Variants in CDH8 observed in about 807,000 individuals in gnomAD.
The protein encoded by CDH8 is cadherin 8.
A neutral mutation model predicts 68.1 loss-of-function variants in CDH8; 17 were observed. The ratio of observed to expected loss-of-function variants is 0.25; its 90% confidence interval spans 0.17 to 0.37. CDH8 has a LOEUF of 0.37. CDH8 is among the 10% of genes least tolerant of loss of function. The pLI is 1.00. For synonymous variants in CDH8, 372 were observed against 365.1 expected (o/e 1.02, Z -0.21); for missense variants, 763 against 999.3 (o/e 0.76, Z 3.19).
intron 2 of CDH8, among the ~76,000 whole-genome samples, chr16:61,987,455 C>G (rs1228323474): frequency 6.6e-6 from 1 of 152,044 alleles, no homozygotes; most frequent in Non-Finnish European, 1.5e-5. Context: ...TGCAGTGAGC[C>G]AAGAACACAC....
intron 4 of CDH8, among the ~76,000 whole-genome samples, chr16:61,839,979 T>C (rs1037875025): frequency 1.3e-5 from 2 of 152,178 alleles, no homozygotes; most frequent in South Asian, 2.1e-4. Flanking sequence ...GCATCTACCT[T>C]GCCTGCCCCT....
Position 62,021,306 on chromosome 16 carries a change from T to C in CDH8, c.98A>G (p.Asn33Ser), listed in dbSNP as rs756444360. The change falls in exon 2 of 12, where the codon AAT (asparagine) becomes AGT (serine). Residue 33 changes from asparagine (N) to serine (S), a missense_variant. Asn to Ser is a conservative substitution (Grantham distance 46, BLOSUM62 1). Transcript: ENST00000577390. ...TCCACTCATTAAAACTTGAGACTGA[T>C]TCATCGGAGCCATGTAAATGCAAGG... ...LPPCIYMAPMNQSQVLMSGSP... is the reference protein window; with the variant it reads ...LPPCIYMAPMSQSQVLMSGSP... The C allele has an allele frequency of 6.2e-7, 1 of 1,614,022 alleles. No homozygotes were observed. Among genetic ancestry groups the C allele is most frequent in the Non-Finnish European group, 8.5e-7 (1 of 1,179,940 alleles).
intron 8 of CDH8, among the ~76,000 whole-genome samples, chr16:61,780,459 G>A (rs1421738692): frequency 6.6e-6 from 1 of 152,198 alleles, no homozygotes; most frequent in Non-Finnish European, 1.5e-5. Flanking sequence ...TTCTCATTAA[G>A]AGATAACAGA....
In CDH8 at chr16:61,680,916, C is replaced by T. The variant is rs372678926; in HGVS notation, c.1655-25195G>A. 3.2e-4 allele frequency among the ~76,000 whole-genome samples: 49 copies of T among 151,966 alleles called. 2 individuals are homozygous for T. The South Asian group carries it at 0.01, about 32-fold the overall frequency. On this transcript the variant is annotated intron_variant, in intron 10 of 11. Transcript: ENST00000577390. The stretch of plus-strand genomic sequence containing the variant: ...ATAATATTTAGTACAGGGCAAAGGG[C>T]ATTAGAAATTCATTACACCAATGCA...
At chr16:61,666,178 CTGTGTGTGTGTG>C (rs370163800) in intron 10 of CDH8, among the ~76,000 whole-genome samples, 1 of 144,098 alleles carries the variant, frequency 6.9e-6, no homozygotes, top group Non-Finnish European at 1.5e-5. Flanking sequence ...AGCACATACT[CTGTGTGTGTGTG>C]TGTGTGTGTG....
At chr16:61,809,206 C>T (rs1199430380) in intron 7 of CDH8, among the ~76,000 whole-genome samples, 1 of 151,442 alleles carries the variant, frequency 6.6e-6, no homozygotes, top group African/African-American at 2.4e-5. Flanking sequence ...AAAGACTTTA[C>T]TAAAAAAAAA....
At chr16:61,832,766 T>C (rs1962488644) in intron 4 of CDH8, among the ~76,000 whole-genome samples, 1 of 151,736 alleles carries the variant, frequency 6.6e-6, no homozygotes, top group Admixed American at 6.6e-5. Context: ...TAAGCAGACA[T>C]TAAAAACTGT....
intron 2 of CDH8, among the ~76,000 whole-genome samples, chr16:62,009,143 G>A (rs1901744765): frequency 6.6e-6 from 1 of 151,836 alleles, no homozygotes; most frequent in Non-Finnish European, 1.5e-5. Flanking sequence ...TACAGGATTT[G>A]GTCATTTTTA....
At chr16:61,903,425 G>A (rs1964012997) in intron 2 of CDH8, among the ~76,000 whole-genome samples, 1 of 152,188 alleles carries the variant, frequency 6.6e-6, no homozygotes, top group Admixed American at 6.5e-5. Flanking sequence ...CCGGGTTGAC[G>A]CCATTCTCCT....
intron 8 of CDH8, among the ~76,000 whole-genome samples, chr16:61,732,644 C>T (rs149576666): frequency 1.3e-4 from 20 of 151,690 alleles, no homozygotes; most frequent in Non-Finnish European, 2.8e-4. Context: ...CCGTTGAAAA[C>T]AAAGGATCCT....
At position 62,021,229 on chromosome 16, in the gene CDH8, A is replaced by T. The variant is rs1902065956; in HGVS notation, c.175T>A (p.Ser59Thr). ...LGEEQRILNR[S>T]KRGWVWNQMF... Reference sequence around the variant, plus strand: ...TGATTCCAAACCCAGCCTCTTTTGGAGCGGTTCAAAATTCGCTGTTCTTCA... The same window carrying T: ...TGATTCCAAACCCAGCCTCTTTTGGTGCGGTTCAAAATTCGCTGTTCTTCA... The change falls in exon 2 of 12, where the codon TCC becomes ACC. Residue 59 changes from serine to threonine, a missense_variant. Physicochemically the swap from Ser to Thr is moderately conservative, Grantham distance 58 (BLOSUM62 1). Around this residue, in one of 2 missense-constraint regions of CDH8, gnomAD observed 366 missense variants for 563.1 expected, o/e 0.65. Coordinates refer to ENST00000577390, the MANE Select transcript of CDH8 (RefSeq NM_001796.5). 1 of 1,613,884 alleles carries T rather than the reference A, an allele frequency of 6.2e-7. No individual in the cohort carries two copies.
chr16:61,932,004 G>C (rs960210857), intron 2 of CDH8, among the ~76,000 whole-genome samples: 1 of 151,956 alleles, frequency 6.6e-6, no homozygotes, highest in Non-Finnish European at 1.5e-5. Context: ...TCAGGAGATC[G>C]AGACCATCCT....
intron 2 of CDH8, among the ~76,000 whole-genome samples, chr16:62,000,603 C>T (rs1965879018): frequency 1.3e-5 from 2 of 152,168 alleles, no homozygotes; most frequent in Admixed American, 6.5e-5. Flanking sequence ...ACAGATATCT[C>T]AACTAATAAA....
chr16:61,992,367 C>T (rs1030911397), intron 2 of CDH8, among the ~76,000 whole-genome samples: 2 of 144,222 alleles, frequency 1.4e-5, no homozygotes, highest in East Asian at 2.1e-4. Flanking sequence ...CGCATGTTCT[C>T]ACTCATAGAT....
At chr16:61,984,258 C>T (rs550464285) in intron 2 of CDH8, among the ~76,000 whole-genome samples, 1 of 152,248 alleles carries the variant, frequency 6.6e-6, no homozygotes, top group African/African-American at 2.4e-5. Context: ...ATGGGGGCTC[C>T]ACCCTCATTA....
chr16:61,875,662 C>G (rs1390972547), intron 3 of CDH8, among the ~76,000 whole-genome samples: 1 of 152,170 alleles, frequency 6.6e-6, no homozygotes, highest in Non-Finnish European at 1.5e-5. Context: ...AAGTTTTCCT[C>G]TCCTATATAT....
chr16:61,926,081 A>C (rs774793093), intron 2 of CDH8, among the ~76,000 whole-genome samples: 5 of 151,912 alleles, frequency 3.3e-5, no homozygotes, highest in Admixed American at 2.0e-4. Context: ...AGAGTAGATA[A>C]GTAACCTGCT....
In CDH8 at chr16:61,871,270, T is replaced by A. The variant is rs934971248; in HGVS notation, c.548-14032A>T. On this transcript the variant is annotated intron_variant, in intron 3 of 11. Coordinates refer to ENST00000577390, the MANE Select transcript of CDH8 (RefSeq NM_001796.5). ...ATAACAACTCACTGCAGCCTCGACC[T>A]CCCAGGCTCAAGCAATCCTCCCACC... Among the ~76,000 whole-genome samples the A allele has an allele frequency of 4.0e-5, 6 of 151,680 alleles. No homozygotes were observed. In the South Asian group the frequency reaches 1.0e-3, roughly 26 times the overall value.
At chr16:61,782,454 G>C (rs949458001) in intron 8 of CDH8, among the ~76,000 whole-genome samples, 62 of 152,036 alleles carry the variant, frequency 4.1e-4, no homozygotes, top group South Asian at 1.0e-3. Context: ...ACGGAGTCTC[G>C]CTGATTGCTA....
Sources: allele counts gnomAD v4.1 joint callset (sites outside exome capture counted in the v4.1 genomes callset), GRCh38; gene constraint gnomAD v4.1.1; regional missense constraint gnomAD v4.1.1; transcripts MANE v1.5; gene names NCBI Gene and HGNC (gene_info 2026-07-23, HGNC 2026-07-21).